Variants in NAT1 observed in about 807,000 individuals in gnomAD.
NAT1 encodes N-acetyltransferase 1.
For missense variants in NAT1, 400 were observed against 339.2 expected (o/e 1.18, Z -1.41); for synonymous variants, 144 against 122.6 (o/e 1.17, Z -1.16).
At chr8:18,183,507 CAGA>C (rs1011190404) in intron 2 of NAT1, among the ~76,000 whole-genome samples, 2 of 152,142 alleles carry the variant, frequency 1.3e-5, no homozygotes, top group African/African-American at 4.8e-5. Flanking sequence ...AAGAAGCCGG[CAGA>C]AGAAGTTCCT....
intron 1 of NAT1, among the ~76,000 whole-genome samples, chr8:18,218,960 T>C (rs1661075485): frequency 6.6e-6 from 1 of 152,166 alleles, no homozygotes; most frequent in African/African-American, 2.4e-5. Flanking sequence ...ATTAAGGGCC[T>C]TACCTTGTTT....
At chr8:18,203,619 G>A (rs1247003359) in intron 2 of NAT1, among the ~76,000 whole-genome samples, 1 of 152,190 alleles carries the variant, frequency 6.6e-6, no homozygotes, top group Non-Finnish European at 1.5e-5. Context: ...GTGCCTCCTG[G>A]CTATGCTGGG....
At chr8:18,192,249 T>G (rs1222327790) in intron 2 of NAT1, among the ~76,000 whole-genome samples, 1 of 152,170 alleles carries the variant, frequency 6.6e-6, no homozygotes, top group African/African-American at 2.4e-5. Flanking sequence ...ATGCTCATCA[T>G]CACTGGCCAT....
chr8:18,172,274 T>G (rs1364293707), intron 2 of NAT1, among the ~76,000 whole-genome samples: 1 of 152,182 alleles, frequency 6.6e-6, no homozygotes, highest in Non-Finnish European at 1.5e-5. Context: ...AAGCTCCACA[T>G]GTTTTATAAG....
chr8:18,222,974 C>G lies in NAT1; in HGVS notation c.*54C>G, dbSNP rs764020267. The G allele has an allele frequency of 6.9e-6, 10 of 1,448,118 alleles. No individual in the cohort carries two copies. The East Asian group carries it at 7.0e-5, about 10-fold the overall frequency. The allele number at this position is 1,448,118 out of a possible 1,614,324, so 89.7% of individuals were successfully genotyped here. On this transcript the variant is annotated 3_prime_UTR_variant, in exon 3 of 3. Coordinates refer to ENST00000307719, the MANE Select transcript of NAT1 (RefSeq NM_000662.8). ...TGTCATCCAGCTCACCAGTTATCAA[C>G]TGACGACCTATCATGTATCTTCTGT...
At chr8:18,179,823 C>T (rs939928933) in intron 2 of NAT1, among the ~76,000 whole-genome samples, 1 of 152,122 alleles carries the variant, frequency 6.6e-6, no homozygotes, top group Non-Finnish European at 1.5e-5. Flanking sequence ...TGTGTTTAGC[C>T]TCATGAAAGA....
chr8:18,197,136 AAACCACCTCCAAGATCCATG>A (rs1369952472), intron 2 of NAT1, among the ~76,000 whole-genome samples: 3 of 152,070 alleles, frequency 2.0e-5, no homozygotes, highest in African/African-American at 7.2e-5. Context: ...CAGCATGGGG[AAACCACCTCCAAGATCCATG>A]AACCACCCCC....
chr8:18,212,909 G>GT (rs567753237), intron 1 of NAT1: 11,372 of 143,630 alleles, frequency 0.079, 517 homozygotes, highest in South Asian at 0.17. Context: ...AACCAATAGG[G>GT]TTTTTTTTTT....
At chr8:18,204,185 C>T (rs548232710) in intron 2 of NAT1, among the ~76,000 whole-genome samples, 176 of 152,194 alleles carry the variant, frequency 1.2e-3, no homozygotes, top group Non-Finnish European at 2.2e-3. Flanking sequence ...CTCTCTCTCT[C>T]GCAAAGAGCT....
chr8:18,222,565 A>G lies in NAT1; in HGVS notation c.518A>G (p.Glu173Gly). 6.2e-7 allele frequency: 1 copy of G among 1,614,088 alleles called. No homozygotes were observed. Residue 173 changes from glutamate to glycine, a missense_variant, in exon 3 of 3, where the codon GAA becomes GGA. By Grantham distance (98) the Glu-to-Gly change is moderately conservative (BLOSUM62 -2). Coordinates refer to ENST00000307719, the MANE Select transcript of NAT1 (RefSeq NM_000662.8). ...AGAAGGGAACAGTACATTCCAAATG[A>G]AGAATTTCTTCATTCTGATCTCCTA... is the stretch of plus-strand genomic sequence containing the variant. ...QIRREQYIPN[E>G]EFLHSDLLED...
rs1804047264 is a variant in NAT1 at position 18,211,010 on chromosome 8, G to A, written c.-86+830G>A. 3.3e-5 allele frequency among the ~76,000 whole-genome samples: 5 copies of A among 152,196 alleles called. No homozygotes were observed. In the South Asian group the frequency reaches 8.3e-4, roughly 25 times the overall value. ...AGTAGCGATGGGGTTTCACCGTCTT[G>A]GCTAGGCTCATCTCGAACTCCTGAC... On this transcript the variant is annotated intron_variant, in intron 1 of 2. Transcript: ENST00000307719.
chr8:18,198,678 G>C (rs989740695), intron 2 of NAT1, among the ~76,000 whole-genome samples: 1 of 152,154 alleles, frequency 6.6e-6, no homozygotes, highest in African/African-American at 2.4e-5. Flanking sequence ...GGTGTAACAT[G>C]TGATGTTTTG....
At chr8:18,197,521 C>A (rs1803285833) in intron 2 of NAT1, among the ~76,000 whole-genome samples, 1 of 152,244 alleles carries the variant, frequency 6.6e-6, no homozygotes, top group South Asian at 2.1e-4. Context: ...TACTGCTAAA[C>A]AATGCACACG....
intron 2 of NAT1, among the ~76,000 whole-genome samples, chr8:18,178,677 A>G (rs1299768380): frequency 2.6e-5 from 4 of 152,188 alleles, no homozygotes; most frequent in African/African-American, 9.6e-5. Context: ...CAGCAAATCC[A>G]TAATGTGGAC....
intron 2 of NAT1, among the ~76,000 whole-genome samples, chr8:18,173,614 G>T (rs948494959): frequency 3.9e-5 from 6 of 152,154 alleles, no homozygotes; most frequent in African/African-American, 1.4e-4. Flanking sequence ...GGAGCCCAGC[G>T]TGGATAGTGG....
chr8:18,193,630 G>A (rs1264825176), intron 2 of NAT1, among the ~76,000 whole-genome samples: 2 of 91,724 alleles, frequency 2.2e-5, no homozygotes, highest in South Asian at 3.1e-4. Context: ...CTGTAAACCT[G>A]CTTTTTTTTT....
chr8:18,186,831 A>G (rs1802757985), intron 2 of NAT1, among the ~76,000 whole-genome samples: 1 of 152,222 alleles, frequency 6.6e-6, no homozygotes, highest in Admixed American at 6.5e-5. Context: ...TTCGCACAGC[A>G]AAAGAAACTA....
intron 2 of NAT1, among the ~76,000 whole-genome samples, chr8:18,192,553 C>A (rs1158127827): frequency 1.3e-5 from 2 of 152,044 alleles, no homozygotes; most frequent in Non-Finnish European, 2.9e-5. Context: ...ATGTTTATTG[C>A]GGCACTATGC....
intron 1 of NAT1, among the ~76,000 whole-genome samples, chr8:18,211,865 A>T (rs1357633004): frequency 6.6e-6 from 1 of 152,212 alleles, no homozygotes; most frequent in Non-Finnish European, 1.5e-5. Context: ...AAAGCCACTC[A>T]TTGGCTCTCC....
Sources: allele counts gnomAD v4.1 joint callset (sites outside exome capture counted in the v4.1 genomes callset), GRCh38; gene constraint gnomAD v4.1.1; transcripts MANE v1.5; gene names NCBI Gene and HGNC (gene_info 2026-07-23, HGNC 2026-07-21).